Variants in DDX23 observed in about 807,000 individuals in gnomAD.
DDX23 encodes probable ATP-dependent RNA helicase DDX23.
DDX23 carries 33 observed loss-of-function variants against 102.7 expected under a neutral mutation model. That is an observed-to-expected ratio of 0.32 (90% CI 0.24 to 0.43). The LOEUF (loss-of-function observed/expected upper bound fraction) is 0.43, where lower values mean the gene tolerates loss of function less well. Ranked by LOEUF, DDX23 falls within the 20% of genes least tolerant of loss-of-function variation. The pLI, the probability that DDX23 is intolerant of heterozygous loss-of-function variation, is 1.00. For synonymous variants in DDX23, 352 were observed against 376.0 expected (o/e 0.94, Z 0.74); for missense variants, 549 against 1,086.6 (o/e 0.51, Z 6.96).
At chr12:48,845,901 C>A (rs1019780022) in intron 1 of DDX23, 119 bp from the exon 2 acceptor site, 39 of 1,102,546 alleles carry the variant, frequency 3.5e-5, no homozygotes, top group Non-Finnish European at 4.4e-5. Flanking sequence ...GTCTACCGTA[C>A]AGATGAGAAC....
chr12:48,839,954 T>G, intron 4 of DDX23, 45 bp from the exon 5 acceptor site: 1 of 1,613,592 alleles, frequency 6.2e-7, no homozygotes, highest in East Asian at 2.2e-5. Context: ...TCTCTCCCTT[T>G]AAAGATCAAC....
chr12:48,830,833 C>T lies in DDX23; in HGVS notation c.2240-141G>A, dbSNP rs777620002. Reference sequence around the variant, plus strand: ...CACATGCTGCCTGAACCTGAGGCGCCCACAGTGCCCTCTCCAGGTGCCCAT... The same window carrying T: ...CACATGCTGCCTGAACCTGAGGCGCTCACAGTGCCCTCTCCAGGTGCCCAT... On this transcript the variant is annotated intron_variant, in intron 16 of 16. Transcript: ENST00000308025. This position sits in a 1 kb window ranked among gnomAD's most constrained non-coding sequence, Gnocchi z 4.9. 587 of 885,702 alleles carry T rather than the reference C, an allele frequency of 6.6e-4. No homozygotes were observed. The highest frequency in any genetic ancestry group is 9.4e-4 in the Non-Finnish European group (556 of 591,102). 54.9% of individuals were successfully genotyped at this position (885,702 alleles called of 1,614,324 possible). A position where few individuals can be genotyped will look rare whatever the true frequency, so the allele number is the denominator to read the frequency against.
Position 48,836,105 on chromosome 12 carries a change from T to C in DDX23, c.1382+16A>G. 1.2e-6 allele frequency: 2 copies of C among 1,611,424 alleles called. No homozygotes were observed. Among genetic ancestry groups the C allele is most frequent in the African/African-American group, 1.3e-5 (1 of 74,986 alleles). The stretch of plus-strand genomic sequence containing the variant: ...ACCCAGACAAACCCACTCCAGCTGG[T>C]GCTAGCTGACCTCACCTGTCAATTT... On this transcript the variant is annotated intron_variant, in intron 11 of 16. Coordinates refer to ENST00000308025, the MANE Select transcript of DDX23 (RefSeq NM_004818.3). The surrounding 1 kb of genome is among the most constrained non-coding windows in gnomAD (Gnocchi z 6.1).
At chr12:48,837,732 C>A (rs1046500642) in intron 6 of DDX23, 75 bp from the exon 7 acceptor site, 5 of 1,581,726 alleles carry the variant, frequency 3.2e-6, no homozygotes, top group Non-Finnish European at 3.4e-6. Flanking sequence ...GGAATCCAGA[C>A]GAGGAACCCC....
At chr12:48,849,624 A>G (rs1300925067) in intron 1 of DDX23, among the ~76,000 whole-genome samples, 2 of 151,674 alleles carry the variant, frequency 1.3e-5, no homozygotes, top group African/African-American at 2.4e-5. Flanking sequence ...GTGCCACTGC[A>G]CTAGCCTGGG....
At chr12:48,847,296 C>G (rs1161304191) in intron 1 of DDX23, 3 of 152,186 alleles carry the variant, frequency 2.0e-5, no homozygotes, top group African/African-American at 7.2e-5. Flanking sequence ...GCGGGCAGAT[C>G]ATGAGGTCAG....
chr12:48,835,365 G>A (rs898713014), intron 11 of DDX23, among the ~76,000 whole-genome samples: 1 of 152,204 alleles, frequency 6.6e-6, no homozygotes, highest in Non-Finnish European at 1.5e-5. Context: ...TTGAGATCGG[G>A]AGTTTGAGAC....
rs760687158 is a variant in DDX23 at position 48,836,458 on chromosome 12, A to G, written c.1236+111T>C. On this transcript the variant is annotated intron_variant, in intron 10 of 16. Transcript: ENST00000308025. This position sits in a 1 kb window ranked among gnomAD's most constrained non-coding sequence, Gnocchi z 6.1. ...ACCAGAAAGTGACAGAAAAGGTCACATTGGTGCCCACTAGCAGCGATGGCT... is the reference window on the plus strand; with the variant it reads ...ACCAGAAAGTGACAGAAAAGGTCACGTTGGTGCCCACTAGCAGCGATGGCT... 7.8e-6 allele frequency: 10 copies of G among 1,276,140 alleles called. No homozygotes were observed. The highest frequency in any genetic ancestry group is 8.9e-6 in the Non-Finnish European group (8 of 903,124). The allele number at this position is 1,276,140 out of a possible 1,614,324, so 79.1% of individuals were successfully genotyped here.
rs200899658 is a variant in DDX23 at position 48,831,246 on chromosome 12, G to A, written c.2135C>T (p.Ala712Val). 1 of 1,614,244 alleles carries A rather than the reference G, an allele frequency of 6.2e-7. No individual in the cohort carries two copies. Among genetic ancestry groups the A allele is most frequent in the Non-Finnish European group, 8.5e-7 (1 of 1,180,040 alleles). The change falls in exon 16 of 17, where the codon GCT becomes GTT. Residue 712 changes from alanine to valine, a missense_variant. Coordinates refer to ENST00000308025, the MANE Select transcript of DDX23 (RefSeq NM_004818.3). Reference protein sequence around the residue: ...QREFALSNLKAGAKDILVATD... With the variant: ...QREFALSNLKVGAKDILVATD... ...AGCCACCAAAATATCCTTGGCCCCA[G>A]CCTTGAGGTTGGACAACGCAAACTC...
rs1242218635 is a variant in DDX23, at chr12:48,832,934, G to A, written c.1803+343C>T. ...TTCATTCTAGAAACATGTACTCTGAGCCCACCTAAGGCAAGAAAGGCCCAA... is the reference window on the plus strand; with the variant it reads ...TTCATTCTAGAAACATGTACTCTGAACCCACCTAAGGCAAGAAAGGCCCAA... On this transcript the variant is annotated intron_variant, in intron 13 of 16. Transcript: ENST00000308025. The surrounding 1 kb of genome is among the most constrained non-coding windows in gnomAD (Gnocchi z 4.4). 2 of 447,120 alleles carry A rather than the reference G, an allele frequency of 4.5e-6. No homozygotes were observed. The highest frequency in any genetic ancestry group is 2.0e-5 in the African/African-American group (1 of 50,572). 27.7% of individuals were successfully genotyped at this position (447,120 alleles called of 1,614,324 possible).
At position 48,844,016 on chromosome 12, in the gene DDX23, C is replaced by T. The variant is rs754373063; in HGVS notation, c.244G>A (p.Glu82Lys). ...RRHKERERDK[E>K]RDRNKKDRDR... Reference sequence around the variant, plus strand: ...CGGTCCTTCTTATTCCGATCCCGCTCCTTATCTCGTTCTCGTTCTTTGTGC... The same window carrying T: ...CGGTCCTTCTTATTCCGATCCCGCTTCTTATCTCGTTCTCGTTCTTTGTGC... The change falls in exon 3 of 17, where the codon GAG becomes AAG. Residue 82 changes from glutamate (E) to lysine (K), a missense_variant. Physicochemically the swap from Glu to Lys is moderately conservative, Grantham distance 56. This residue lies in a region of DDX23 where 241 missense variants were observed against 267.0 expected (regional missense o/e 0.90). Transcript: ENST00000308025. The T allele has an allele frequency of 5.6e-6, 9 of 1,614,024 alleles. No homozygotes were observed. The East Asian group carries it at 1.8e-4, about 32-fold the overall frequency.
Position 48,834,291 on chromosome 12 carries a change from CAGGCTGGCTGCT to C in DDX23, c.1560+17_1560+28del. On this transcript the variant is annotated intron_variant, in intron 12 of 16. Coordinates refer to ENST00000308025, the MANE Select transcript of DDX23 (RefSeq NM_004818.3). ...GCCCCAAGATAGCCTTCCCAGACAGCAGGCTGGCTGCTAGATAGAAAAACAAACCTCACAACC... is the reference window on the plus strand; with the variant it reads ...GCCCCAAGATAGCCTTCCCAGACAGCAGATAGAAAAACAAACCTCACAACC... 1 of 1,586,346 alleles carries C rather than the reference CAGGCTGGCTGCT, an allele frequency of 6.3e-7. No individual in the cohort carries two copies. Among genetic ancestry groups the C allele is most frequent in the Non-Finnish European group, 8.6e-7 (1 of 1,165,292 alleles).
chr12:48,838,016 T>G lies in DDX23; in HGVS notation c.545A>C (p.Glu182Ala). ...TTCTTCAAGCATCCTCTGCCGCTCT[T>G]CCACCTCCTGCTGCCGTCGCTTTAG... ...EALKRRQQEV[E>A]ERQRMLEEER... The change falls in exon 6 of 17, where the codon GAA (glutamate) becomes GCA (alanine). Residue 182 changes from glutamate to alanine, a missense_variant. By Grantham distance (107) the Glu-to-Ala change is moderately radical (BLOSUM62 -1). Coordinates refer to ENST00000308025, the MANE Select transcript of DDX23 (RefSeq NM_004818.3). The G allele has an allele frequency of 6.2e-7, 1 of 1,614,216 alleles. No individual in the cohort carries two copies. The highest frequency in any genetic ancestry group is 1.1e-5 in the South Asian group (1 of 91,080).
chr12:48,845,449 ACT>A (rs780062784), intron 2 of DDX23, 123 bp downstream of exon 2: 2 of 1,092,538 alleles, frequency 1.8e-6, no homozygotes, highest in Non-Finnish European at 2.7e-6. Flanking sequence ...ACAGAGCGAG[ACT>A]CTGTCTCAAA....
Position 48,834,394 on chromosome 12 carries a change from C to A in DDX23, c.1486G>T (p.Gly496Cys). The A allele has an allele frequency of 1.2e-6, 2 of 1,614,164 alleles. No homozygotes were observed. The highest frequency in any genetic ancestry group is 2.2e-5 in the South Asian group (2 of 91,078). The change falls in exon 12 of 17, where the codon GGT becomes TGT. Residue 496 changes from glycine to cysteine, a missense_variant. Transcript: ENST00000308025. ...EETIKFGKPLGIRTVAVIGGI... is the reference protein window; with the variant it reads ...EETIKFGKPLCIRTVAVIGGI... ...CCAATGACAGCCACAGTGCGGATAC[C>A]TAGCGGTTTCCCAAACTTGATGGTC...
In DDX23 at chr12:48,831,075, C is replaced by G. The variant is rs1039362561; in HGVS notation, c.2239+67G>C. 8.2e-6 allele frequency: 13 copies of G among 1,578,332 alleles called. No individual in the cohort carries two copies. The African/African-American group carries it at 1.6e-4, about 20-fold the overall frequency. ...CAGCCTTCCATGGACAGCACCCTGA[C>G]TTCCAGTGGGACACCATAAGGAATC... is the stretch of plus-strand genomic sequence containing the variant. On this transcript the variant is annotated intron_variant, in intron 16 of 16. Coordinates refer to ENST00000308025, the MANE Select transcript of DDX23 (RefSeq NM_004818.3).
chr12:48,836,774 C>A lies in DDX23; in HGVS notation c.1031G>T (p.Arg344Leu). ...EQEEARLRKL[R>L]KKEAKQRWDD... ...CCAGCGCTGCTTGGCTTCCTTCTTA[C>A]GAAGTTTGCGGAGTCTTGCCCTGGA... Residue 344 changes from arginine to leucine, a missense_variant, in exon 10 of 17, where the codon CGT becomes CTT. Coordinates refer to ENST00000308025, the MANE Select transcript of DDX23 (RefSeq NM_004818.3). The surrounding 1 kb of genome is among the most constrained non-coding windows in gnomAD (Gnocchi z 6.1). 1 of 1,614,060 alleles carries A rather than the reference C, an allele frequency of 6.2e-7. No homozygotes were observed. Among genetic ancestry groups the A allele is most frequent in the Non-Finnish European group, 8.5e-7 (1 of 1,179,970 alleles).
chr12:48,843,547 C>CTTTT (rs757724499), intron 3 of DDX23, among the ~76,000 whole-genome samples: 75 of 117,452 alleles, frequency 6.4e-4, no homozygotes, highest in Admixed American at 8.0e-4. Context: ...TTCTTTCTTT[C>CTTTT]TTTTTTTTTT....
Position 48,830,223 on chromosome 12 carries a change from A to C in DDX23, c.*246T>G. The C allele has an allele frequency of 1.6e-6, 1 of 633,016 alleles. No individual in the cohort carries two copies. Among genetic ancestry groups the C allele is most frequent in the Non-Finnish European group, 2.9e-6 (1 of 341,402 alleles). 39.2% of individuals were successfully genotyped at this position (633,016 alleles called of 1,614,324 possible). On this transcript the variant is annotated 3_prime_UTR_variant, in exon 17 of 17. Transcript: ENST00000308025. This position sits in a 1 kb window ranked among gnomAD's most constrained non-coding sequence, Gnocchi z 4.9. ...ATGGCCCAGTGCAATCCCAAAGCAA[A>C]GAAGGGCAGAACTGGGCCAAGAAGC...
Sources: allele counts gnomAD v4.1 joint callset (sites outside exome capture counted in the v4.1 genomes callset), GRCh38; gene constraint gnomAD v4.1.1; regional missense constraint gnomAD v4.1.1; non-coding constraint Gnocchi (gnomAD v3.1); transcripts MANE v1.5; gene names NCBI Gene and HGNC (gene_info 2026-07-23, HGNC 2026-07-21).